PDE1A: variants seen among roughly 807,000 people sequenced by gnomAD.
PDE1A encodes the protein phosphodiesterase 1A.
In PDE1A, 35 loss-of-function variants were observed where a neutral mutation model predicts 61.7. That is an observed-to-expected ratio of 0.57 (90% CI 0.43 to 0.75). The LOEUF is 0.75. Among genes scored for constraint, PDE1A ranks in the 30% least tolerant of loss-of-function variants. The pLI is 0.00. For missense variants in PDE1A, 597 were observed against 630.6 expected (o/e 0.95, Z 0.57); for synonymous variants, 232 against 213.2 (o/e 1.09, Z -0.77).
intron 2 of PDE1A, among the ~76,000 whole-genome samples, chr2:182,473,713 C>T (rs543750645): frequency 4.1e-4 from 63 of 151,874 alleles, no homozygotes; most frequent in African/African-American, 7.2e-5. Context: ...CATAATTTAG[C>T]CCCACATATA....
intron 2 of PDE1A, among the ~76,000 whole-genome samples, chr2:182,470,633 T>C (rs1686966417): frequency 6.6e-6 from 1 of 151,830 alleles, no homozygotes; most frequent in South Asian, 2.1e-4. Flanking sequence ...TGTCTTGCAA[T>C]CCAGGATTTA....
chr2:182,223,215 C>T (rs1040471246), intron 7 of PDE1A, among the ~76,000 whole-genome samples: 4 of 151,940 alleles, frequency 2.6e-5, no homozygotes, highest in African/African-American at 4.8e-5. Context: ...TCAAGAAGAG[C>T]AACCTCAGAG....
intron 2 of PDE1A, among the ~76,000 whole-genome samples, chr2:182,510,795 C>G (rs1689730806): frequency 6.6e-6 from 1 of 152,134 alleles, no homozygotes; most frequent in South Asian, 2.1e-4. Context: ...TCTCAAAGCC[C>G]ACTTCTCCTC....
intron 2 of PDE1A, among the ~76,000 whole-genome samples, chr2:182,260,405 G>GT (rs1473727244): frequency 6.6e-6 from 1 of 152,098 alleles, no homozygotes; most frequent in Non-Finnish European, 1.5e-5. Flanking sequence ...AAGGGAAATG[G>GT]TACTTTAATA....
chr2:182,656,177 A>T, the PDE1A span, among the ~76,000 whole-genome samples: 2 of 152,204 alleles, frequency 1.3e-5, no homozygotes, highest in Admixed American at 6.5e-5. Flanking sequence ...CCATCATGAT[A>T]CCACATTACC....
chr2:182,444,075 G>A (rs1239673903), intron 2 of PDE1A, among the ~76,000 whole-genome samples: 1 of 152,112 alleles, frequency 6.6e-6, no homozygotes, highest in East Asian at 1.9e-4. Flanking sequence ...CCTAATATAG[G>A]CTAGGTCTCT....
intron 1 of PDE1A, among the ~76,000 whole-genome samples, chr2:182,305,532 CTG>C (rs944958336): frequency 2.6e-5 from 4 of 152,132 alleles, no homozygotes; most frequent in African/African-American, 9.7e-5. Context: ...AAATTCAGTA[CTG>C]TATGCCTCTG....
chr2:182,313,929 G>A (rs372314383), intron 1 of PDE1A, among the ~76,000 whole-genome samples: 16 of 152,268 alleles, frequency 1.1e-4, no homozygotes, highest in African/African-American at 3.4e-4. Context: ...TGAAACATAC[G>A]TATTGTAGGA....
chr2:182,363,268 T>C (rs1011503319), intron 1 of PDE1A, among the ~76,000 whole-genome samples: 3 of 151,922 alleles, frequency 2.0e-5, no homozygotes, highest in African/African-American at 7.3e-5. Context: ...TAGTAACTAA[T>C]AACATGCATA....
At chr2:182,635,121 A>G in the PDE1A span, among the ~76,000 whole-genome samples, 1 of 94,068 alleles carries the variant, frequency 1.1e-5, no homozygotes, top group African/African-American at 3.4e-5. Context: ...CACATTGTAA[A>G]TGGAAAAAAA....
intron 1 of PDE1A, among the ~76,000 whole-genome samples, chr2:182,340,674 G>T (rs1335709832): frequency 6.6e-6 from 1 of 152,172 alleles, no homozygotes; most frequent in African/African-American, 2.4e-5. Flanking sequence ...GAATGTAAGG[G>T]ACAATAGCTA....
At chr2:182,675,200 A>C in the PDE1A span, among the ~76,000 whole-genome samples, 10 of 152,188 alleles carry the variant, frequency 6.6e-5, no homozygotes, top group African/African-American at 1.2e-4. Flanking sequence ...AAGTGAGAAC[A>C]TGAAGCATTT....
At chr2:182,623,541 G>C in the PDE1A span, among the ~76,000 whole-genome samples, 2 of 152,180 alleles carry the variant, frequency 1.3e-5, no homozygotes, top group African/African-American at 4.8e-5. Context: ...TAGCAGAAGA[G>C]CCATTAGTGA....
intron 1 of PDE1A, among the ~76,000 whole-genome samples, chr2:182,340,855 A>T (rs923223505): frequency 2.6e-5 from 4 of 152,204 alleles, no homozygotes; most frequent in Non-Finnish European, 4.4e-5. Flanking sequence ...CTAGTTGTAG[A>T]ATCATGGATA....
At chr2:182,604,093 A>T in the PDE1A span, among the ~76,000 whole-genome samples, 1 of 152,126 alleles carries the variant, frequency 6.6e-6, no homozygotes, top group South Asian at 2.1e-4. Flanking sequence ...GTATTTACAA[A>T]TTAAGAAGAT....
At chr2:182,614,865 G>C in the PDE1A span, among the ~76,000 whole-genome samples, 652 of 152,146 alleles carry the variant, frequency 4.3e-3, 2 homozygotes, top group African/African-American at 0.015. Context: ...CCTATCTATT[G>C]TTATTATACC....
chr2:182,622,416 G>A, the PDE1A span, among the ~76,000 whole-genome samples: 8 of 152,236 alleles, frequency 5.3e-5, no homozygotes, highest in African/African-American at 1.7e-4. Flanking sequence ...AAATAAACAC[G>A]AGAAGGAAAA....
chr2:182,165,613 G>T (rs1691616363), downstream of PDE1A, among the ~76,000 whole-genome samples: 1 of 152,140 alleles, frequency 6.6e-6, no homozygotes, highest in South Asian at 2.1e-4. Flanking sequence ...GAATTGCCCA[G>T]ACTCTTCAGG....
intron 2 of PDE1A, among the ~76,000 whole-genome samples, chr2:182,520,899 TG>T (rs1396650520): frequency 6.6e-6 from 1 of 152,032 alleles, no homozygotes; most frequent in Non-Finnish European, 1.5e-5. Flanking sequence ...TTATTTGCTT[TG>T]ATAGGATTAC....
Sources: gnomAD v4.1 joint callset for allele counts (sites outside exome capture counted in the v4.1 genomes callset) on GRCh38, gnomAD v4.1.1 for gene constraint, MANE v1.5 for transcripts, NCBI Gene and HGNC (gene_info 2026-07-23, HGNC 2026-07-21) for gene names.